RALYL: variants seen among roughly 807,000 people sequenced by gnomAD.
The protein encoded by RALYL is RALY RNA binding protein like, also known as RNA-binding Raly-like protein.
RALYL carries 29 observed loss-of-function variants against 35.1 expected under a neutral mutation model. The ratio of observed to expected loss-of-function variants is 0.83; its 90% CI spans 0.61 to 1.13. The LOEUF (loss-of-function observed/expected upper bound fraction) is 1.13. Ranked by LOEUF, RALYL falls within the 50% of genes most tolerant of loss-of-function variation. The pLI, the probability that RALYL is intolerant of heterozygous loss-of-function variation, is 0.00. For synonymous variants in RALYL, 120 were observed against 127.6 expected (o/e 0.94, Z 0.40); for missense variants, 359 against 360.4 (o/e 1.00, Z 0.03).
At chr8:84,585,823 A>T (rs1811865683) in intron 2 of RALYL, among the ~76,000 whole-genome samples, 2 of 152,190 alleles carry the variant, frequency 1.3e-5, no homozygotes, top group South Asian at 2.1e-4. Context: ...ACACACAAGT[A>T]AATGGGTGCT....
chr8:84,586,213 A>G (rs1811975717), intron 2 of RALYL, among the ~76,000 whole-genome samples: 1 of 151,910 alleles, frequency 6.6e-6, no homozygotes, highest in African/African-American at 2.4e-5. Flanking sequence ...AAAAAGAAAG[A>G]AAGAAAAATG....
intron 2 of RALYL, among the ~76,000 whole-genome samples, chr8:84,685,891 TAGGAAGTAGGAGGAC>T (rs1270006832): frequency 6.6e-6 from 1 of 152,112 alleles, no homozygotes; most frequent in Non-Finnish European, 1.5e-5. Flanking sequence ...TGTGAATTAT[TAGGAAGTAGGAGGAC>T]AGTGAGCTGA....
chr8:84,559,977 T>C (rs539490205), intron 2 of RALYL, among the ~76,000 whole-genome samples: 5 of 151,846 alleles, frequency 3.3e-5, no homozygotes, highest in African/African-American at 1.2e-4. Flanking sequence ...TATTAGGTTT[T>C]TTTTTTTTTT....
intron 2 of RALYL, among the ~76,000 whole-genome samples, chr8:84,643,293 C>T (rs113817626): frequency 9.9e-5 from 15 of 152,026 alleles, no homozygotes; most frequent in Admixed American, 5.9e-4. Flanking sequence ...GTATCCCTAG[C>T]AGCCGAGTCT....
intron 5 of RALYL, among the ~76,000 whole-genome samples, chr8:84,852,096 T>C (rs2134837819): frequency 6.6e-6 from 1 of 152,302 alleles, no homozygotes; most frequent in South Asian, 2.1e-4. Flanking sequence ...ACTATGATCA[T>C]AATCTAGGCA....
intron 1 of RALYL, among the ~76,000 whole-genome samples, chr8:84,286,087 G>A (rs1837540522): frequency 6.6e-6 from 1 of 152,132 alleles, no homozygotes; most frequent in South Asian, 2.1e-4. Context: ...AACTGGTGGG[G>A]TTTGCTGATG....
intron 1 of RALYL, among the ~76,000 whole-genome samples, chr8:84,468,175 A>T (rs1019728722): frequency 6.6e-6 from 1 of 151,204 alleles, no homozygotes; most frequent in Admixed American, 6.6e-5. Context: ...TGTGAATTTG[A>T]TCCTGTCATT....
At chr8:84,680,560 A>G (rs1158069632) in intron 2 of RALYL, among the ~76,000 whole-genome samples, 1 of 152,110 alleles carries the variant, frequency 6.6e-6, no homozygotes, top group Non-Finnish European at 1.5e-5. Context: ...GTGAGATGGT[A>G]TCTCATTGTG....
chr8:84,392,376 A>AAAGT (rs1411046640), intron 1 of RALYL, among the ~76,000 whole-genome samples: 1 of 152,154 alleles, frequency 6.6e-6, no homozygotes, highest in African/African-American at 2.4e-5. Flanking sequence ...TCTTAGAGAT[A>AAAGT]AAGTATTCAT....
chr8:84,449,334 G>A (rs2049201392), intron 1 of RALYL, among the ~76,000 whole-genome samples: 1 of 151,928 alleles, frequency 6.6e-6, no homozygotes, highest in Non-Finnish European at 1.5e-5. Flanking sequence ...GGAAGAGCAG[G>A]GATGTCATGT....
chr8:84,464,395 G>C (rs1382607573), intron 1 of RALYL, among the ~76,000 whole-genome samples: 1 of 150,624 alleles, frequency 6.6e-6, no homozygotes, highest in Non-Finnish European at 1.5e-5. Context: ...TGCGGTGTTT[G>C]GTTTTTTGTT....
chr8:84,282,319 T>C (rs1280894625), intron 1 of RALYL, among the ~76,000 whole-genome samples: 1 of 151,626 alleles, frequency 6.6e-6, no homozygotes, highest in Non-Finnish European at 1.5e-5. Context: ...AGGTCAGGGG[T>C]CCTTATTACT....
chr8:84,332,918 C>T (rs889544954), intron 1 of RALYL, among the ~76,000 whole-genome samples: 6 of 152,118 alleles, frequency 3.9e-5, no homozygotes, highest in African/African-American at 1.4e-4. Flanking sequence ...GGTGATTTCC[C>T]TAAAAACGTA....
intron 1 of RALYL, among the ~76,000 whole-genome samples, chr8:84,476,448 T>C (rs996347623): frequency 6.6e-6 from 1 of 152,202 alleles, no homozygotes; most frequent in Non-Finnish European, 1.5e-5. Context: ...ATTTTATTCT[T>C]AATCTTCTTT....
intron 2 of RALYL, among the ~76,000 whole-genome samples, chr8:84,668,124 C>A (rs184375365): frequency 1.3e-5 from 2 of 152,230 alleles, no homozygotes; most frequent in Non-Finnish European, 1.5e-5. Context: ...TTATAAATTA[C>A]CACTTCATTT....
At chr8:84,409,621 T>C (rs2132144220) in intron 1 of RALYL, among the ~76,000 whole-genome samples, 1 of 152,080 alleles carries the variant, frequency 6.6e-6, no homozygotes, top group Admixed American at 6.6e-5. Context: ...CTCACTTAAG[T>C]TTATGACATT....
intron 2 of RALYL, among the ~76,000 whole-genome samples, chr8:84,593,702 A>G (rs1264593949): frequency 9.2e-5 from 14 of 152,044 alleles, no homozygotes; most frequent in Non-Finnish European, 1.3e-4. Context: ...TTTATCTCCA[A>G]GTTGATTCAT....
intron 2 of RALYL, among the ~76,000 whole-genome samples, chr8:84,672,959 C>T (rs1473240476): frequency 6.6e-6 from 1 of 152,180 alleles, no homozygotes; most frequent in Non-Finnish European, 1.5e-5. Flanking sequence ...ACACTGTCTT[C>T]CACAAAGGCT....
chr8:84,313,341 T>C (rs1843154475), intron 1 of RALYL, among the ~76,000 whole-genome samples: 1 of 152,248 alleles, frequency 6.6e-6, no homozygotes, highest in South Asian at 2.1e-4. Context: ...TCTTGGCTAT[T>C]AAATTTGGCT....
Sources: gnomAD v4.1 joint callset for allele counts (sites outside exome capture counted in the v4.1 genomes callset) on GRCh38, gnomAD v4.1.1 for gene constraint, MANE v1.5 for transcripts, NCBI Gene and HGNC (gene_info 2026-07-23, HGNC 2026-07-21) for gene names.